The following PPFIBP1 variants were observed in gnomAD, a reference collection of about 807,000 sequenced individuals.
PPFIBP1 encodes PPFIB scaffold protein 1.
Under a neutral mutation model 137.8 loss-of-function variants are expected in PPFIBP1, and 112 were observed. The observed-to-expected ratio is 0.81, with a 90% CI of 0.70 to 0.95. PPFIBP1 has a LOEUF of 0.95. Among genes scored for constraint, PPFIBP1 ranks in the 40% least tolerant of loss-of-function variants. The pLI is 0.00. For synonymous variants in PPFIBP1, 378 were observed against 417.3 expected, an observed-to-expected ratio of 0.91 and a Z score of 1.15; for missense variants, 1,083 against 1,196.6, an observed-to-expected ratio of 0.91 and a Z score of 1.40.
At chr12:27,688,893 C>T (rs568663655) in intron 26 of PPFIBP1, 122 bp from the exon 27 acceptor site, 53 of 866,366 alleles carry the variant, frequency 6.1e-5, no homozygotes, top group African/African-American at 2.1e-4. Flanking sequence ...TCTACCTCAC[C>T]GGGCTGTTGA....
chr12:27,617,386 C>A (rs1196074697), intron 2 of PPFIBP1, among the ~76,000 whole-genome samples: 11 of 152,120 alleles, frequency 7.2e-5, no homozygotes, highest in Non-Finnish European at 2.9e-5. Context: ...TAATTGGAAG[C>A]AAATACAGAA....
intron 13 of PPFIBP1, among the ~76,000 whole-genome samples, chr12:27,670,650 C>T (rs947851258): frequency 3.3e-5 from 5 of 152,120 alleles, no homozygotes; most frequent in South Asian, 2.1e-4. Flanking sequence ...TGGTGGCGCA[C>T]GCCTGTAGTC....
chr12:27,620,344 C>G (rs900637849), intron 2 of PPFIBP1, among the ~76,000 whole-genome samples: 3 of 152,164 alleles, frequency 2.0e-5, no homozygotes, highest in African/African-American at 7.2e-5. Flanking sequence ...TCCCTACTAA[C>G]CCTCTGGCTC....
chr12:27,686,940 T>C (rs1400906283), intron 24 of PPFIBP1, among the ~76,000 whole-genome samples: 1 of 152,134 alleles, frequency 6.6e-6, no homozygotes, highest in Non-Finnish European at 1.5e-5. Flanking sequence ...TCATTCGCTC[T>C]TCACTATCTG....
chr12:27,534,365 G>A (rs1247067445), intron 1 of PPFIBP1, among the ~76,000 whole-genome samples: 2 of 152,164 alleles, frequency 1.3e-5, no homozygotes, highest in Admixed American at 6.5e-5. Context: ...TTTATCAGTA[G>A]AGTAAGAAGC....
chr12:27,593,785 G>GT, intron 2 of PPFIBP1: 3 of 921,078 alleles, frequency 3.3e-6, no homozygotes, highest in Non-Finnish European at 4.8e-6. Context: ...AAGATGTTCA[G>GT]TTTGCAAAAC....
In PPFIBP1 at chr12:27,654,729, T is replaced by C. The variant is rs1242490759; in HGVS notation, c.611T>C (p.Ile204Thr). 6.2e-7 allele frequency: 1 copy of C among 1,611,152 alleles called. No individual in the cohort carries two copies. Among genetic ancestry groups the C allele is most frequent in the Admixed American group, 1.7e-5 (1 of 59,876 alleles). ...TTGTTTCTTCTTGGACAGGGGCTGATTCAGGAGATCAATGATTTGAGGTTA... is the reference window on the plus strand; with the variant it reads ...TTGTTTCTTCTTGGACAGGGGCTGACTCAGGAGATCAATGATTTGAGGTTA... Reference protein sequence around the residue: ...EDKFRDTEGLIQEINDLRLKV... With the variant: ...EDKFRDTEGLTQEINDLRLKV... The change falls in exon 8 of 30, where the codon ATT becomes ACT. Residue 204 changes from isoleucine to threonine, a missense_variant. By Grantham distance (89) the Ile-to-Thr change is moderately conservative. Coordinates refer to ENST00000228425, the MANE Select transcript of PPFIBP1 (RefSeq NM_003622.4).
intron 1 of PPFIBP1, among the ~76,000 whole-genome samples, chr12:27,574,354 G>C (rs371353750): frequency 1.2e-4 from 19 of 152,240 alleles, no homozygotes; most frequent in African/African-American, 4.3e-4. Context: ...AACAAACTTG[G>C]AAGATTTAGA....
Position 27,594,668 on chromosome 12 carries a change from T to C in PPFIBP1, c.-36+16429T>C, listed in dbSNP as rs143955760. Among the ~76,000 whole-genome samples the C allele has an allele frequency of 2.5e-4, 38 of 152,258 alleles. No homozygotes were observed. In the East Asian group the frequency reaches 6.7e-3, roughly 27 times the overall value. ...ATTACAGTTTTAAGATCTTGTATCA[T>C]AAAAGAAAAAGATCATTATATAAAA... On this transcript the variant is annotated intron_variant, in intron 2 of 29. Transcript: ENST00000228425.
chr12:27,574,778 T>C (rs1179535064), intron 1 of PPFIBP1, among the ~76,000 whole-genome samples: 1 of 152,210 alleles, frequency 6.6e-6, no homozygotes, highest in East Asian at 1.9e-4. Context: ...TCTCCACTAC[T>C]TAACCTTGGA....
intron 2 of PPFIBP1, among the ~76,000 whole-genome samples, chr12:27,618,129 A>C (rs544459939): frequency 1.3e-5 from 2 of 152,340 alleles, no homozygotes; most frequent in Admixed American, 6.5e-5. Context: ...ATTCTTTCCT[A>C]TGCAGTACTG....
intron 21 of PPFIBP1, among the ~76,000 whole-genome samples, chr12:27,680,324 T>C (rs562707041): frequency 6.6e-6 from 1 of 152,200 alleles, no homozygotes; most frequent in Non-Finnish European, 1.5e-5. Flanking sequence ...ACTTAAATTT[T>C]ACGTAGATGG....
chr12:27,674,852 G>A (rs1005917636), intron 17 of PPFIBP1, among the ~76,000 whole-genome samples: 13 of 115,062 alleles, frequency 1.1e-4, no homozygotes, highest in South Asian at 2.6e-4. Context: ...TCACTTTGTC[G>A]TCCAGGCTGG....
In PPFIBP1 at chr12:27,558,955, G is replaced by C. The variant is rs550082788; in HGVS notation, c.-123-19197G>C. Among the ~76,000 whole-genome samples, 3 of 152,066 alleles carry C rather than the reference G, an allele frequency of 2.0e-5. No homozygotes were observed. The East Asian group carries it at 5.8e-4, about 29-fold the overall frequency. On this transcript the variant is annotated intron_variant, in intron 1 of 29. Transcript: ENST00000228425. ...ACACTCACTTGAAGTTTTGGGCTCA[G>C]GTGATCATCCTGTCTCAGCCTCCCA...
intron 28 of PPFIBP1, 77 bp downstream of exon 28, chr12:27,692,005 C>A: frequency 8.1e-7 from 1 of 1,230,954 alleles, no homozygotes; most frequent in Non-Finnish European, 1.1e-6. Context: ...TATACTGTGT[C>A]TGATCAAGGA....
intron 14 of PPFIBP1, 35 bp downstream of exon 14, chr12:27,671,581 C>T: frequency 7.6e-7 from 1 of 1,317,268 alleles, no homozygotes; most frequent in South Asian, 1.4e-5. Flanking sequence ...TATAAATGTT[C>T]AAAAAAGTAG....
chr12:27,635,479 T>C (rs548030890), intron 4 of PPFIBP1: 140 of 322,680 alleles, frequency 4.3e-4, no homozygotes, highest in African/African-American at 2.5e-3. Flanking sequence ...AAGGATCCAA[T>C]AGCAATTCTA....
At chr12:27,610,110 C>T (rs2138099890) in intron 2 of PPFIBP1, among the ~76,000 whole-genome samples, 1 of 152,252 alleles carries the variant, frequency 6.6e-6, no homozygotes, top group South Asian at 2.1e-4. Context: ...ACCTGCACAG[C>T]CAGAATGGTG....
At chr12:27,687,293 T>C in intron 24 of PPFIBP1, 92 bp from the exon 25 acceptor site, 1 of 1,474,264 alleles carries the variant, frequency 6.8e-7, no homozygotes. Context: ...GAGGGGCTCT[T>C]CTCCTTTTAC....
Sources: allele counts gnomAD v4.1 joint callset (sites outside exome capture counted in the v4.1 genomes callset), GRCh38; gene constraint gnomAD v4.1.1; transcripts MANE v1.5; gene names NCBI Gene and HGNC (gene_info 2026-07-23, HGNC 2026-07-21).